ARHGEF4: variants seen among roughly 807,000 people sequenced by gnomAD.
ARHGEF4 encodes the protein Rho guanine nucleotide exchange factor 4.
Under a neutral mutation model 162.0 loss-of-function variants are expected in ARHGEF4, and 119 were observed. The ratio of observed to expected loss-of-function variants is 0.73; its 90% CI spans 0.63 to 0.86. The LOEUF is 0.86. Ranked by LOEUF, ARHGEF4 falls within the 40% of genes least tolerant of loss-of-function variation. The pLI is 0.00. For synonymous variants in ARHGEF4, 1,014 were observed against 979.9 expected, an observed-to-expected ratio of 1.03 and a Z score of -0.65; for missense variants, 2,488 against 2,456.0, an observed-to-expected ratio of 1.01 and a Z score of -0.28.
At chr2:131,035,611 C>G in intron 5 of ARHGEF4, 1 of 978,160 alleles carries the variant, frequency 1.0e-6, no homozygotes, top group Non-Finnish European at 1.2e-6. Flanking sequence ...GGGTGAGCGA[C>G]CCGCGCTTGC....
At chr2:130,971,443 A>T (rs1267920144) in intron 4 of ARHGEF4, among the ~76,000 whole-genome samples, 2 of 152,260 alleles carry the variant, frequency 1.3e-5, no homozygotes, top group East Asian at 3.9e-4. Context: ...GCAGATCACG[A>T]GGTCAGGAGT....
chr2:131,045,606 C>A, intron 13 of ARHGEF4, 160 bp downstream of exon 13: 11 of 1,576,720 alleles, frequency 7.0e-6, no homozygotes, highest in Non-Finnish European at 9.5e-6. Flanking sequence ...TAATAAGGGG[C>A]CACTGGGGAA....
At chr2:130,893,152 C>T (rs1213884893) in intron 1 of ARHGEF4, among the ~76,000 whole-genome samples, 2 of 152,208 alleles carry the variant, frequency 1.3e-5, no homozygotes, top group Admixed American at 6.5e-5. Flanking sequence ...GTTTCTCTTG[C>T]GAGCACGTGC....
chr2:131,004,077 T>C (rs368249015), intron 4 of ARHGEF4, among the ~76,000 whole-genome samples: 30 of 152,174 alleles, frequency 2.0e-4, no homozygotes, highest in Non-Finnish European at 4.0e-4. Context: ...CTGGGAAAGA[T>C]AAGAAAGGGA....
chr2:130,997,324 A>G (rs186856802), intron 4 of ARHGEF4, among the ~76,000 whole-genome samples: 393 of 152,294 alleles, frequency 2.6e-3, no homozygotes, highest in African/African-American at 9.1e-3. Flanking sequence ...TAAAGCATCT[A>G]TCTGAACTCT....
At chr2:130,864,390 G>T (rs542936269) in intron 1 of ARHGEF4, among the ~76,000 whole-genome samples, 1 of 152,260 alleles carries the variant, frequency 6.6e-6, no homozygotes, top group Admixed American at 6.5e-5. Flanking sequence ...CTGGAGTGAG[G>T]GGTGAAGTGT....
Position 130,931,129 on chromosome 2 carries a change from A to T in ARHGEF4, c.3730A>T (p.Ile1244Phe). The T allele has an allele frequency of 6.2e-7, 1 of 1,614,216 alleles. No individual in the cohort carries two copies. Among genetic ancestry groups the T allele is most frequent in the Non-Finnish European group, 8.5e-7 (1 of 1,180,026 alleles). ...RGEAPSQPRG[I>F]PHRSPVSVDD... ...GGAGGCTCCTTCACAGCCTAGGGGCATCCCTCACCGCTCGCCCGTCAGTGT... is the reference window on the plus strand; with the variant it reads ...GGAGGCTCCTTCACAGCCTAGGGGCTTCCCTCACCGCTCGCCCGTCAGTGT... The change falls in exon 3 of 14, where the codon ATC becomes TTC. Residue 1244 changes from isoleucine to phenylalanine, a missense_variant. Ile to Phe is a conservative substitution (Grantham distance 21). This residue lies in a region of ARHGEF4 where 1,642 missense variants were observed against 1,481.5 expected (regional missense o/e 1.11). Transcript: ENST00000409359.
intron 1 of ARHGEF4, among the ~76,000 whole-genome samples, chr2:130,912,266 G>A (rs981009408): frequency 3.4e-4 from 52 of 152,252 alleles, no homozygotes; most frequent in African/African-American, 1.1e-3. Context: ...CAGTCAGGGC[G>A]CCTGGCCCCA....
intron 4 of ARHGEF4, among the ~76,000 whole-genome samples, chr2:130,959,314 A>G (rs1010314730): frequency 6.6e-6 from 1 of 152,058 alleles, no homozygotes; most frequent in African/African-American, 2.4e-5. Context: ...GAAGGTTTAC[A>G]GTGTCATTTG....
At position 130,916,765 on chromosome 2, in the gene ARHGEF4, G is replaced by A. The variant is rs1681524505; in HGVS notation, c.2819G>A (p.Gly940Asp). ...GAACGTTCCCCAAGTTCTCCCAAGG[G>A]CGAGAAGGAGAAGAGCAGGCTGCGC... ...THERSPSSPK[G>D]EKEKSRLRQG... Residue 940 changes from glycine (G) to aspartate (D), a missense_variant, in exon 2 of 14, where the codon GGC becomes GAC. By Grantham distance (94) the Gly-to-Asp change is moderately conservative. Transcript: ENST00000409359. 1 of 1,550,656 alleles carries A rather than the reference G, an allele frequency of 6.4e-7. No individual in the cohort carries two copies. The highest frequency in any genetic ancestry group is 8.7e-7 in the Non-Finnish European group (1 of 1,147,034).
At chr2:130,891,112 G>A (rs767130013) in intron 1 of ARHGEF4, among the ~76,000 whole-genome samples, 119 of 152,266 alleles carry the variant, frequency 7.8e-4, no homozygotes, top group Non-Finnish European at 9.4e-4. Flanking sequence ...TGTGGAACAG[G>A]AAGCTTTTAT....
intron 4 of ARHGEF4, among the ~76,000 whole-genome samples, chr2:130,971,014 A>T (rs1353361564): frequency 6.6e-6 from 1 of 152,088 alleles, no homozygotes; most frequent in Non-Finnish European, 1.5e-5. Flanking sequence ...AGTTTCTTTT[A>T]TGTTTGTTTC....
At chr2:131,005,321 G>A (rs1202085163) in intron 4 of ARHGEF4, among the ~76,000 whole-genome samples, 2 of 152,126 alleles carry the variant, frequency 1.3e-5, no homozygotes, top group East Asian at 1.9e-4. Context: ...ATCGGGAAGT[G>A]CAGCCAGGGT....
chr2:130,964,357 C>T, intron 4 of ARHGEF4: 1 of 604,402 alleles, frequency 1.7e-6, no homozygotes, highest in Non-Finnish European at 2.1e-6. Context: ...TCACTTTCTG[C>T]CTGTCGTTTC....
intron 4 of ARHGEF4, among the ~76,000 whole-genome samples, chr2:130,999,969 C>T (rs545659531): frequency 6.6e-6 from 1 of 152,350 alleles, no homozygotes; most frequent in East Asian, 1.9e-4. Flanking sequence ...GCCTCGGCCT[C>T]CCAAAATGGG....
intron 2 of ARHGEF4, among the ~76,000 whole-genome samples, chr2:130,918,652 C>A (rs889521159): frequency 6.6e-6 from 1 of 152,176 alleles, no homozygotes; most frequent in African/African-American, 2.4e-5. Context: ...CGCCTCCAGG[C>A]CAGGTGGGCT....
chr2:130,875,932 C>T (rs1301000840), intron 1 of ARHGEF4, among the ~76,000 whole-genome samples: 1 of 152,168 alleles, frequency 6.6e-6, no homozygotes, highest in Non-Finnish European at 1.5e-5. Flanking sequence ...CAGACAAGAC[C>T]ATTTAACTTC....
chr2:131,004,296 G>A (rs1426268733), intron 4 of ARHGEF4, among the ~76,000 whole-genome samples: 2 of 152,170 alleles, frequency 1.3e-5, no homozygotes, highest in Non-Finnish European at 2.9e-5. Context: ...TTCCCGAGTA[G>A]CTGGGACTAC....
intron 1 of ARHGEF4, among the ~76,000 whole-genome samples, chr2:130,879,359 G>T (rs1160964684): frequency 3.3e-5 from 5 of 152,074 alleles, no homozygotes; most frequent in Admixed American, 3.3e-4. Context: ...TGTACAACAT[G>T]ATGTTTTGAT....
Sources: allele counts gnomAD v4.1 joint callset (sites outside exome capture counted in the v4.1 genomes callset), GRCh38; gene constraint gnomAD v4.1.1; regional missense constraint gnomAD v4.1.1; transcripts MANE v1.5; gene names NCBI Gene and HGNC (gene_info 2026-07-23, HGNC 2026-07-21).